VPS8: variants seen among roughly 807,000 people sequenced by gnomAD.
VPS8 encodes the protein vacuolar protein sorting-associated protein 8 homolog.
A neutral mutation model predicts 216.4 loss-of-function variants in VPS8; 129 were observed. The observed-to-expected ratio is 0.60, with a 90% confidence interval of 0.52 to 0.69. VPS8 has a LOEUF of 0.69. Ranked by LOEUF, VPS8 falls within the 30% of genes least tolerant of loss-of-function variation. The pLI, the probability that VPS8 is intolerant of heterozygous loss-of-function variation, is 0.00. For missense variants in VPS8, 1,531 were observed against 1,683.5 expected (o/e 0.91, Z 1.59); for synonymous variants, 571 against 565.4 (o/e 1.01, Z -0.14).
At chr3:184,882,398 T>G (rs1228180418) in intron 21 of VPS8, 1 of 455,210 alleles carries the variant, frequency 2.2e-6, no homozygotes, top group Non-Finnish European at 4.4e-6. Context: ...ATTGAACCAG[T>G]CTTGCATCCT....
intron 42 of VPS8, among the ~76,000 whole-genome samples, chr3:184,993,065 G>C (rs1752120333): frequency 6.6e-6 from 1 of 151,758 alleles, no homozygotes; most frequent in Admixed American, 6.6e-5. Context: ...TTTATATTCT[G>C]TACCTATTAA....
chr3:184,839,282 A>G lies in VPS8; in HGVS notation c.481-416A>G, dbSNP rs558898528. The G allele has an allele frequency of 1.7e-5, 3 of 178,890 alleles. No homozygotes were observed. In the South Asian group the frequency reaches 4.2e-4, roughly 25 times the overall value. 11.1% of individuals were successfully genotyped at this position (178,890 alleles called of 1,614,324 possible). On this transcript the variant is annotated intron_variant, in intron 6 of 47. Transcript: ENST00000625842. ...GTAAGGAAGTGGGTGAGTTTTGAAC[A>G]CTTTGGATGGCTTTAGGCCCCTGCG...
chr3:185,014,397 C>T (rs1039344271), intron 45 of VPS8, among the ~76,000 whole-genome samples: 2 of 152,166 alleles, frequency 1.3e-5, no homozygotes, highest in South Asian at 4.1e-4. Context: ...GTCTCTTCCT[C>T]GGCATCTGGC....
intron 12 of VPS8, 47 bp from the exon 13 acceptor site, chr3:184,854,067 T>C: frequency 6.2e-7 from 1 of 1,612,478 alleles, no homozygotes; most frequent in Non-Finnish European, 8.5e-7. Context: ...ATACCAAATA[T>C]TTGAAAATTC....
chr3:184,893,954 C>T (rs573389740), intron 22 of VPS8, among the ~76,000 whole-genome samples: 13 of 152,078 alleles, frequency 8.5e-5, no homozygotes, highest in East Asian at 1.9e-4. Context: ...AACAGAATTC[C>T]GAATTCTGTC....
intron 40 of VPS8, among the ~76,000 whole-genome samples, chr3:184,981,134 G>A (rs1331492619): frequency 6.6e-6 from 1 of 152,188 alleles, no homozygotes; most frequent in African/African-American, 2.4e-5. Context: ...CTGAGACCAG[G>A]CCTATGGCTT....
intron 46 of VPS8, among the ~76,000 whole-genome samples, chr3:185,034,973 T>A (rs1382788839): frequency 1.3e-5 from 2 of 152,120 alleles, no homozygotes; most frequent in Non-Finnish European, 2.9e-5. Flanking sequence ...AACAACTCTA[T>A]ACACACAAAT....
intron 37 of VPS8, among the ~76,000 whole-genome samples, chr3:184,961,083 C>A (rs1232297035): frequency 6.6e-6 from 1 of 152,162 alleles, no homozygotes; most frequent in Non-Finnish European, 1.5e-5. Context: ...GGAGACCAAA[C>A]TCTTGTTTGC....
chr3:184,930,652 G>A, intron 34 of VPS8, 84 bp downstream of exon 34: 3 of 943,904 alleles, frequency 3.2e-6, no homozygotes, highest in African/African-American at 1.6e-5. Flanking sequence ...GCAATGGCAT[G>A]TATCATATTA....
chr3:185,015,299 A>G (rs557353514), intron 45 of VPS8, among the ~76,000 whole-genome samples: 35 of 152,378 alleles, frequency 2.3e-4, no homozygotes, highest in African/African-American at 7.9e-4. Context: ...TGTGAGTGAT[A>G]TAAAAAGGGT....
chr3:185,032,564 T>C (rs1404119496), intron 46 of VPS8, among the ~76,000 whole-genome samples: 1 of 152,180 alleles, frequency 6.6e-6, no homozygotes, highest in Non-Finnish European at 1.5e-5. Context: ...AGGCTGAGAA[T>C]AGGTCAGAGT....
intron 34 of VPS8, among the ~76,000 whole-genome samples, chr3:184,934,592 T>A (rs900008686): frequency 1.3e-5 from 2 of 152,234 alleles, no homozygotes; most frequent in East Asian, 3.8e-4. Context: ...GGAAGTTTTC[T>A]TCTATTTCTA....
At chr3:185,049,095 A>G (rs746415957) in intron 47 of VPS8, among the ~76,000 whole-genome samples, 2 of 152,184 alleles carry the variant, frequency 1.3e-5, no homozygotes, top group Non-Finnish European at 2.9e-5. Flanking sequence ...GTATGGTTCA[A>G]CATGGTTGCT....
chr3:184,921,609 T>G (rs182968964), intron 29 of VPS8, among the ~76,000 whole-genome samples: 4 of 152,222 alleles, frequency 2.6e-5, no homozygotes, highest in Admixed American at 2.6e-4. Context: ...AGTCTTGCTC[T>G]GTTGCCCAGG....
chr3:184,883,227 T>G (rs973712428), intron 21 of VPS8, among the ~76,000 whole-genome samples: 3 of 152,312 alleles, frequency 2.0e-5, no homozygotes, highest in African/African-American at 7.2e-5. Context: ...CAAAATGTAG[T>G]CCCTTTGTGA....
intron 36 of VPS8, among the ~76,000 whole-genome samples, chr3:184,942,011 A>G (rs932301248): frequency 6.6e-6 from 1 of 151,950 alleles, no homozygotes; most frequent in Non-Finnish European, 1.5e-5. Context: ...CTCTTACTTT[A>G]TGTCTTATAT....
At chr3:185,018,356 C>T (rs191196490) in intron 45 of VPS8, among the ~76,000 whole-genome samples, 1 of 152,230 alleles carries the variant, frequency 6.6e-6, no homozygotes, top group Non-Finnish European at 1.5e-5. Context: ...GGATATTGTT[C>T]TGCACCTGAA....
At chr3:184,923,499 T>C (rs963143624) in intron 29 of VPS8, among the ~76,000 whole-genome samples, 14 of 152,150 alleles carry the variant, frequency 9.2e-5, no homozygotes, top group African/African-American at 3.4e-4. Context: ...TCTCCCTGCC[T>C]TCTGTTTCTT....
chr3:184,846,302 T>A, intron 8 of VPS8, among the ~76,000 whole-genome samples: 1 of 152,228 alleles, frequency 6.6e-6, no homozygotes, highest in Non-Finnish European at 1.5e-5. Context: ...TGGCTAAGAT[T>A]GATAATTTAC....
Sources: allele counts gnomAD v4.1 joint callset (sites outside exome capture counted in the v4.1 genomes callset), GRCh38; gene constraint gnomAD v4.1.1; transcripts MANE v1.5; gene names NCBI Gene and HGNC (gene_info 2026-07-23, HGNC 2026-07-21).